TEX36: variants seen among roughly 807,000 people sequenced by gnomAD.
TEX36 encodes the protein testis expressed 36, also known as testis-expressed protein 36.
In TEX36, 12 loss-of-function variants were observed where a neutral mutation model predicts 13.6. The observed-to-expected ratio is 0.88, with a 90% CI of 0.56 to 1.43. The LOEUF (loss-of-function observed/expected upper bound fraction) is 1.43, where lower values mean the gene tolerates loss of function less well. Among genes scored for constraint, TEX36 ranks in the 40% most tolerant of loss-of-function variants. TEX36 has a pLI of 0.00. For synonymous variants in TEX36, 93 were observed against 83.0 expected, an observed-to-expected ratio of 1.12 and a Z score of -0.65; for missense variants, 224 against 228.3, an observed-to-expected ratio of 0.98 and a Z score of 0.12.
chr10:125,667,793 T>G, intron 1 of TEX36: 2 of 1,038,688 alleles, frequency 1.9e-6, no homozygotes, highest in Non-Finnish European at 3.0e-6. Context: ...CCAGTTCTCT[T>G]TGGTGTTCTC....
chr10:125,670,066 G>A lies in TEX36; in HGVS notation c.52-8089C>T, dbSNP rs530180760. Among the ~76,000 whole-genome samples, 3 of 152,322 alleles carry A rather than the reference G, an allele frequency of 2.0e-5. No individual in the cohort carries two copies. In the East Asian group the frequency reaches 5.8e-4, roughly 29 times the overall value. On this transcript the variant is annotated intron_variant, in intron 1 of 3. Transcript: ENST00000368821. ...GTGCTGCAAGAACATACGCATGAAT[G>A]TATCTTTATAATAGAATGATTTCTA...
At chr10:125,660,993 T>C (rs1847027055) in intron 3 of TEX36, 28 bp downstream of exon 3, 1 of 1,531,600 alleles carries the variant, frequency 6.5e-7, no homozygotes, top group Admixed American at 2.0e-5. Context: ...TTCCCTGTTT[T>C]ATTAATAATT....
chr10:125,644,349 C>T (rs1447718578), intron 3 of TEX36, among the ~76,000 whole-genome samples: 1 of 151,994 alleles, frequency 6.6e-6, no homozygotes, highest in Non-Finnish European at 1.5e-5. Context: ...ATCTAAGACA[C>T]ATTCTCGAAG....
chr10:125,590,162 T>G (rs1189631685), intron 3 of TEX36, among the ~76,000 whole-genome samples: 1 of 152,126 alleles, frequency 6.6e-6, no homozygotes, highest in African/African-American at 2.4e-5. Context: ...TCGCACAGGC[T>G]GGAGTGTAGT....
chr10:125,637,365 A>G (rs972255201), intron 3 of TEX36, among the ~76,000 whole-genome samples: 1 of 151,844 alleles, frequency 6.6e-6, no homozygotes, highest in African/African-American at 2.4e-5. Flanking sequence ...CTGACATTTC[A>G]CTTAACATAA....
chr10:125,603,632 C>A (rs1846177567), intron 3 of TEX36, among the ~76,000 whole-genome samples: 1 of 152,236 alleles, frequency 6.6e-6, no homozygotes, highest in Admixed American at 6.5e-5. Context: ...AGCATGGCAG[C>A]CCTGGAGGCT....
chr10:125,624,357 G>T (rs979387143), intron 3 of TEX36, among the ~76,000 whole-genome samples: 2 of 152,248 alleles, frequency 1.3e-5, no homozygotes, highest in Admixed American at 1.3e-4. Context: ...GTTGGGGGTA[G>T]TCAGAGACCA....
At chr10:125,639,960 A>G (rs1171407519) in intron 3 of TEX36, among the ~76,000 whole-genome samples, 1 of 152,228 alleles carries the variant, frequency 6.6e-6, no homozygotes, top group Non-Finnish European at 1.5e-5. Flanking sequence ...TAAACAGCAG[A>G]AGAATGTTTA....
chr10:125,588,818 G>A (rs1413184528), intron 3 of TEX36, among the ~76,000 whole-genome samples: 1 of 152,154 alleles, frequency 6.6e-6, no homozygotes, highest in African/African-American at 2.4e-5. Flanking sequence ...GTTTCACCAT[G>A]TTGGCCAGGA....
At chr10:125,617,796 T>A (rs1846377836), downstream of TEX36, among the ~76,000 whole-genome samples, 1 of 152,198 alleles carries the variant, frequency 6.6e-6, no homozygotes. Flanking sequence ...ATTATCTTTG[T>A]GGCGTTCTCT....
chr10:125,595,864 A>G (rs1189667232), intron 3 of TEX36, among the ~76,000 whole-genome samples: 1 of 150,408 alleles, frequency 6.6e-6, no homozygotes, highest in African/African-American at 2.5e-5. Flanking sequence ...TAGAATGTAA[A>G]CCCTACAAGG....
At chr10:125,615,103 G>C (rs995511838) in intron 3 of TEX36, among the ~76,000 whole-genome samples, 24 of 152,162 alleles carry the variant, frequency 1.6e-4, no homozygotes, top group African/African-American at 5.8e-4. Context: ...TGGTGTATAA[G>C]AATGCTTGTG....
chr10:125,649,028 G>C (rs1350077036), intron 3 of TEX36, among the ~76,000 whole-genome samples: 1 of 152,208 alleles, frequency 6.6e-6, no homozygotes, highest in Non-Finnish European at 1.5e-5. Flanking sequence ...ATCTACGTCT[G>C]ATTGGTGTAC....
In TEX36 at chr10:125,635,975, G is replaced by C. The variant is rs138237377; in HGVS notation, c.265-14330C>G. Among the ~76,000 whole-genome samples the C allele has an allele frequency of 6.3e-3, 957 of 152,050 alleles. 11 individuals are homozygous for C. Among genetic ancestry groups the C allele is most frequent in the African/African-American group, 0.022 (906 of 41,490 alleles). The stretch of plus-strand genomic sequence containing the variant: ...TGCAGCCTCAACTTCCTGGGCTCAA[G>C]CAATCCTCCCACCTCAGCCTCCTGA... On this transcript the variant is annotated intron_variant, in intron 3 of 3. Coordinates refer to the TEX36 transcript ENST00000526819.
intron 3 of TEX36, among the ~76,000 whole-genome samples, chr10:125,583,885 C>T (rs751403452): frequency 9.9e-5 from 15 of 152,166 alleles, no homozygotes; most frequent in Non-Finnish European, 1.8e-4. Context: ...GCCTTTTCAT[C>T]CTGTGACTTT....
downstream of TEX36, among the ~76,000 whole-genome samples, chr10:125,618,942 TAAAAAA>T (rs11452140): frequency 1.8e-4 from 8 of 43,596 alleles, no homozygotes; most frequent in Admixed American, 5.2e-4. Flanking sequence ...CCGTCTCTAC[TAAAAAA>T]AAAAAAAAAA....
chr10:125,591,327 T>C (rs1424279058), intron 3 of TEX36, among the ~76,000 whole-genome samples: 1 of 152,172 alleles, frequency 6.6e-6, no homozygotes, highest in Non-Finnish European at 1.5e-5. Flanking sequence ...AGTTGGTGGA[T>C]GGTGAAAGTT....
chr10:125,662,156 G>T (rs1450702357), intron 1 of TEX36, among the ~76,000 whole-genome samples, 179 bp from the exon 2 acceptor site: 2 of 152,164 alleles, frequency 1.3e-5, no homozygotes, highest in Non-Finnish European at 2.9e-5. Flanking sequence ...CATTGTAATG[G>T]CCCAGAGCCA....
chr10:125,620,404 T>A (rs149296546), downstream of TEX36, among the ~76,000 whole-genome samples: 105 of 152,360 alleles, frequency 6.9e-4, 1 homozygote, highest in East Asian at 6.2e-3. Flanking sequence ...GTAATTTATC[T>A]TTTGTGAGTT....
Sources: allele counts gnomAD v4.1 joint callset (sites outside exome capture counted in the v4.1 genomes callset), GRCh38; gene constraint gnomAD v4.1.1; transcripts MANE v1.5; gene names NCBI Gene and HGNC (gene_info 2026-07-23, HGNC 2026-07-21).